EFCAB11: variants seen among roughly 807,000 people sequenced by gnomAD.
The protein encoded by EFCAB11 is EF-hand calcium binding domain 11, also known as EF-hand calcium-binding domain-containing protein 11.
Under a neutral mutation model 23.0 loss-of-function variants are expected in EFCAB11, and 14 were observed. That is an observed-to-expected ratio of 0.61 (90% CI 0.40 to 0.95). The LOEUF (loss-of-function observed/expected upper bound fraction) is 0.95, where lower values mean the gene tolerates loss of function less well. EFCAB11 is among the 40% of genes least tolerant of loss of function. The probability of loss-of-function intolerance (pLI) is 0.00; values close to 1 mark genes in which losing one functional copy is unlikely to be tolerated. For synonymous variants in EFCAB11, 65 were observed against 66.6 expected, an observed-to-expected ratio of 0.98 and a Z score of 0.11; for missense variants, 198 against 195.8, an observed-to-expected ratio of 1.01 and a Z score of -0.07.
chr14:89,828,985 C>T (rs547749033), intron 5 of EFCAB11, among the ~76,000 whole-genome samples: 30 of 152,234 alleles, frequency 2.0e-4, no homozygotes, highest in African/African-American at 4.3e-4. Flanking sequence ...AAGCTGGCAA[C>T]GTATTTTTCA....
chr14:89,912,336 C>A (rs1016200693), intron 5 of EFCAB11, among the ~76,000 whole-genome samples: 2 of 152,094 alleles, frequency 1.3e-5, no homozygotes, highest in Admixed American at 6.5e-5. Context: ...TTGTTCAAAC[C>A]GTTAAGGAGA....
intron 5 of EFCAB11, among the ~76,000 whole-genome samples, chr14:89,798,050 A>G (rs1329669202): frequency 6.6e-6 from 1 of 152,244 alleles, no homozygotes; most frequent in Non-Finnish European, 1.5e-5. Context: ...GATGCCAATT[A>G]TATTTTGTTC....
chr14:89,954,433 C>A, intron 1 of EFCAB11, 153 bp downstream of exon 1: 3 of 1,536,838 alleles, frequency 2.0e-6, no homozygotes, highest in Non-Finnish European at 2.6e-6. Flanking sequence ...AGGAGCCCTG[C>A]AGCTCCAGGA....
rs531058437 is a variant in EFCAB11, at chr14:89,797,223, C to T, written c.*20G>A. ...CAATCTATTGATCTCCCCAGAGTTA[C>T]CAAAAGTAGTTCACAATAGTTAGGC... On this transcript the variant is annotated 3_prime_UTR_variant, in exon 6 of 6. Coordinates refer to ENST00000316738, the MANE Select transcript of EFCAB11 (RefSeq NM_145231.4). The T allele has an allele frequency of 2.2e-5, 36 of 1,607,694 alleles. No individual in the cohort carries two copies. In the South Asian group the frequency reaches 3.5e-4, roughly 16 times the overall value.
At chr14:89,935,191 C>A (rs955227007) in intron 3 of EFCAB11, among the ~76,000 whole-genome samples, 2 of 152,058 alleles carry the variant, frequency 1.3e-5, no homozygotes, top group East Asian at 3.9e-4. Context: ...TTAGGATCTA[C>A]GGTAATTATT....
intron 5 of EFCAB11, among the ~76,000 whole-genome samples, chr14:89,875,979 A>T (rs1888425251): frequency 6.6e-6 from 1 of 152,212 alleles, no homozygotes; most frequent in Non-Finnish European, 1.5e-5. Flanking sequence ...GGGCATCTCA[A>T]GGAGGTCATT....
At chr14:89,866,734 C>A (rs949344079) in intron 5 of EFCAB11, among the ~76,000 whole-genome samples, 14 of 152,246 alleles carry the variant, frequency 9.2e-5, no homozygotes, top group African/African-American at 3.4e-4. Flanking sequence ...TCATGATGTT[C>A]TTTGGTTTTC....
chr14:89,863,676 T>G (rs900213832), intron 5 of EFCAB11, among the ~76,000 whole-genome samples: 1 of 152,264 alleles, frequency 6.6e-6, no homozygotes, highest in Non-Finnish European at 1.5e-5. Flanking sequence ...GGATGCACCC[T>G]GCACATGATA....
chr14:89,863,402 G>C (rs889794357), intron 5 of EFCAB11, among the ~76,000 whole-genome samples: 2 of 152,162 alleles, frequency 1.3e-5, no homozygotes, highest in Non-Finnish European at 2.9e-5. Context: ...AACTGCAAAA[G>C]CAAACTTGTT....
intron 5 of EFCAB11, among the ~76,000 whole-genome samples, chr14:89,853,675 TC>T (rs1343905014): frequency 4.6e-5 from 7 of 152,304 alleles, no homozygotes; most frequent in African/African-American, 1.7e-4. Flanking sequence ...GCAGAAGTGA[TC>T]CTTTGTTTTC....
intron 5 of EFCAB11, chr14:89,923,638 T>C: frequency 6.2e-6 from 6 of 964,064 alleles, no homozygotes; most frequent in Non-Finnish European, 7.4e-6. Flanking sequence ...GGTGTTTTTA[T>C]GGATGTTTCT....
chr14:89,885,648 G>A (rs1888731496), intron 5 of EFCAB11, among the ~76,000 whole-genome samples: 1 of 150,398 alleles, frequency 6.6e-6, no homozygotes, highest in African/African-American at 2.5e-5. Flanking sequence ...CTGCACTCCA[G>A]CCTGGGTGAC....
At chr14:89,817,442 G>C (rs1259706131) in intron 5 of EFCAB11, among the ~76,000 whole-genome samples, 3 of 152,122 alleles carry the variant, frequency 2.0e-5, no homozygotes, top group Admixed American at 2.0e-4. Flanking sequence ...GATCACTTGA[G>C]CCCAGGAGTT....
At chr14:89,806,625 C>T (rs1885979029) in intron 5 of EFCAB11, among the ~76,000 whole-genome samples, 1 of 152,130 alleles carries the variant, frequency 6.6e-6, no homozygotes, top group Non-Finnish European at 1.5e-5. Flanking sequence ...ATGCAACTAC[C>T]ACAGGCCCAC....
At chr14:89,934,532 G>A (rs534257950) in intron 3 of EFCAB11, among the ~76,000 whole-genome samples, 1 of 152,288 alleles carries the variant, frequency 6.6e-6, no homozygotes, top group Admixed American at 6.5e-5. Flanking sequence ...CAACCAAGAG[G>A]AGAAGTTCAG....
chr14:89,919,132 G>T (rs1889941544), intron 5 of EFCAB11, among the ~76,000 whole-genome samples: 1 of 151,992 alleles, frequency 6.6e-6, no homozygotes, highest in Non-Finnish European at 1.5e-5. Flanking sequence ...TAAGCAAGAG[G>T]ATCCAGGAAG....
chr14:89,827,628 CT>C (rs36007256), intron 5 of EFCAB11, among the ~76,000 whole-genome samples: 2,205 of 105,102 alleles, frequency 0.021, 24 homozygotes, highest in African/African-American at 0.072. Flanking sequence ...TTTATTCACT[CT>C]TTTTTTTTTT....
At chr14:89,846,987 T>C (rs1462313968) in intron 5 of EFCAB11, among the ~76,000 whole-genome samples, 7 of 152,198 alleles carry the variant, frequency 4.6e-5, no homozygotes. Flanking sequence ...GATACATCTA[T>C]GTCTTAAATA....
At chr14:89,908,816 C>T (rs1187116015) in intron 5 of EFCAB11, among the ~76,000 whole-genome samples, 1 of 152,062 alleles carries the variant, frequency 6.6e-6, no homozygotes, top group Non-Finnish European at 1.5e-5. Context: ...AGAGGGATTC[C>T]CTCAGCGGCA....
Sources: allele counts gnomAD v4.1 joint callset (sites outside exome capture counted in the v4.1 genomes callset), GRCh38; gene constraint gnomAD v4.1.1; transcripts MANE v1.5; gene names NCBI Gene and HGNC (gene_info 2026-07-23, HGNC 2026-07-21).